SLC2A7: variants seen among roughly 807,000 people sequenced by gnomAD.
The protein encoded by SLC2A7 is solute carrier family 2 member 7, also known as solute carrier family 2, facilitated glucose transporter member 7.
A neutral mutation model predicts 50.5 loss-of-function variants in SLC2A7; 50 were observed. That is an observed-to-expected ratio of 0.99 (90% CI 0.79 to 1.25). SLC2A7 has a LOEUF of 1.25. SLC2A7 is among the 50% of genes most tolerant of loss of function. The probability of loss-of-function intolerance (pLI) is 0.00; values close to 1 mark genes in which losing one functional copy is unlikely to be tolerated. For synonymous variants in SLC2A7, 308 were observed against 300.4 expected, an observed-to-expected ratio of 1.03 and a Z score of -0.26; for missense variants, 683 against 679.1, an observed-to-expected ratio of 1.01 and a Z score of -0.06.
At chr1:9,015,504 G>A (rs554297936) in intron 5 of SLC2A7, among the ~76,000 whole-genome samples, 35 of 152,292 alleles carry the variant, frequency 2.3e-4, no homozygotes, top group Middle Eastern at 3.4e-3. Flanking sequence ...TTGAACCCCG[G>A]AGAAAATGAG....
intron 8 of SLC2A7, among the ~76,000 whole-genome samples, chr1:9,011,129 G>T (rs1423360449): frequency 6.6e-6 from 1 of 152,218 alleles, no homozygotes; most frequent in Admixed American, 6.5e-5. Context: ...AAACCTGCTC[G>T]CTCTGCCTCA....
chr1:9,004,926 C>T (rs1640633249), intron 10 of SLC2A7, 47 bp from the exon 11 acceptor site: 1 of 1,590,038 alleles, frequency 6.3e-7, no homozygotes, highest in Non-Finnish European at 8.6e-7. Flanking sequence ...ACCCAGGTGT[C>T]CCCCAGGGCT....
At position 9,003,402 on chromosome 1, in the gene SLC2A7, G is replaced by A; in HGVS notation, c.1437C>T (p.Arg479=). The change falls in exon 12 of 12, where the codon CGC becomes CGT. Residue 479 remains arginine, a synonymous_variant. Transcript: ENST00000400906. ...TKGKTFVEIN[R]IFAKRNRVKL... ...TCACCCTGTTTCTCTTGGCAAAAAT[G>A]CGGTTTATCTCCACAAATGTTTTGC... is the stretch of plus-strand genomic sequence containing the variant. 1.2e-6 allele frequency: 2 copies of A among 1,614,200 alleles called. No homozygotes were observed. Among genetic ancestry groups the A allele is most frequent in the Non-Finnish European group, 1.7e-6 (2 of 1,180,026 alleles).
rs1048245669 is a variant in SLC2A7, at chr1:9,008,799, G to A, written c.1116+1344C>T. ...TTTAATAGAGACGGGGTTTCACCACGTGGTCAGGCTGCTCTAGAACTCCTG... is the reference window on the plus strand; with the variant it reads ...TTTAATAGAGACGGGGTTTCACCACATGGTCAGGCTGCTCTAGAACTCCTG... On this transcript the variant is annotated intron_variant, in intron 9 of 11. Coordinates refer to ENST00000400906, the MANE Select transcript of SLC2A7 (RefSeq NM_207420.3). This position sits in a 1 kb window ranked among gnomAD's most constrained non-coding sequence, Gnocchi z 5.9. 2.0e-5 allele frequency among the ~76,000 whole-genome samples: 3 copies of A among 152,078 alleles called. No individual in the cohort carries two copies. The highest frequency in any genetic ancestry group is 1.3e-4 in the Admixed American group (2 of 15,258).
intron 3 of SLC2A7, among the ~76,000 whole-genome samples, chr1:9,021,828 A>G (rs1236299134): frequency 6.6e-6 from 1 of 152,164 alleles, no homozygotes; most frequent in Non-Finnish European, 1.5e-5. Flanking sequence ...GGCTGGCACC[A>G]CCACATTCCT....
intron 9 of SLC2A7, among the ~76,000 whole-genome samples, chr1:9,009,859 G>A (rs761011794): frequency 1.4e-4 from 21 of 152,194 alleles, no homozygotes; most frequent in African/African-American, 4.1e-4. Context: ...TTGCATTTAC[G>A]CATTGAAGCA....
At chr1:9,002,170 C>T (rs1032654127), downstream of SLC2A7, among the ~76,000 whole-genome samples, 3 of 152,202 alleles carry the variant, frequency 2.0e-5, no homozygotes, top group African/African-American at 7.2e-5. Context: ...AGGCTTCCCC[C>T]CATGGAGATG....
the SLC2A7 span, among the ~76,000 whole-genome samples, chr1:8,996,296 C>T: frequency 1.3e-5 from 2 of 152,214 alleles, no homozygotes; most frequent in Non-Finnish European, 2.9e-5. Context: ...GAGGGTCTTT[C>T]TCCTTTCCCT....
chr1:9,000,965 G>A (rs1452415785), downstream of SLC2A7, among the ~76,000 whole-genome samples: 1 of 152,144 alleles, frequency 6.6e-6, no homozygotes, highest in African/African-American at 2.4e-5. Context: ...TCAAAGGGCA[G>A]AGAGAAGCCA....
At position 9,015,257 on chromosome 1, in the gene SLC2A7, G is replaced by T; in HGVS notation, c.590-15C>A. ...CACCGGCCAGCCTGCAAGGAGCCAA[G>T]GACTCAGGATCCCGGGGCCTGGGCA... is the stretch of plus-strand genomic sequence containing the variant. On this transcript the variant is annotated splice_polypyrimidine_tract_variant and intron_variant, in intron 5 of 11. Transcript: ENST00000400906. 1 of 1,576,352 alleles carries T rather than the reference G, an allele frequency of 6.3e-7. No homozygotes were observed. The highest frequency in any genetic ancestry group is 8.6e-7 in the Non-Finnish European group (1 of 1,165,684).
intron 8 of SLC2A7, 89 bp from the exon 9 acceptor site, chr1:9,010,333 C>G (rs1330462669): frequency 4.3e-6 from 4 of 934,962 alleles, no homozygotes; most frequent in Middle Eastern, 3.3e-4. Flanking sequence ...GTGGGCCCCT[C>G]TTAGGTGCCC....
In SLC2A7 at chr1:9,013,605, A is replaced by G; in HGVS notation, c.934T>C (p.Ser312Pro). 6.2e-7 allele frequency: 1 copy of G among 1,614,148 alleles called. No individual in the cohort carries two copies. Among genetic ancestry groups the G allele is most frequent in the Non-Finnish European group, 8.5e-7 (1 of 1,179,984 alleles). The change falls in exon 8 of 12, where the codon TCT (serine) becomes CCT (proline). Residue 312 changes from serine (S) to proline (P), a missense_variant. By Grantham distance (74) the Ser-to-Pro change is moderately conservative. Transcript: ENST00000400906. ...GAGTGAGCGGCCTCCACGCCCGCAG[A>G]TGTGTAGATGGTGTCCGCATAGTAG... ...INYYADTIYT[S>P]AGVEAAHSQY...
At chr1:8,996,066 C>A in the SLC2A7 span, among the ~76,000 whole-genome samples, 37 of 152,022 alleles carry the variant, frequency 2.4e-4, no homozygotes, top group African/African-American at 8.0e-4. Context: ...CCATGCCCAG[C>A]CTAGAAAACA....
At chr1:8,998,326 A>C (rs569541541), downstream of SLC2A7, among the ~76,000 whole-genome samples, 1 of 152,104 alleles carries the variant, frequency 6.6e-6, no homozygotes, top group African/African-American at 2.4e-5. Flanking sequence ...AATTGCTTGA[A>C]CCCAGGAGGT....
chr1:9,013,691 A>C, intron 7 of SLC2A7, 56 bp from the exon 8 acceptor site: 2 of 1,438,670 alleles, frequency 1.4e-6, no homozygotes, highest in South Asian at 2.4e-5. Flanking sequence ...ACGCTGGCTT[A>C]ACTTTCTCAA....
At position 9,009,893 on chromosome 1, in the gene SLC2A7, CCTT is replaced by C. The variant is rs558085303; in HGVS notation, c.1116+247_1116+249del. Among the ~76,000 whole-genome samples the C allele has an allele frequency of 2.5e-3, 384 of 152,390 alleles. 1 individual carries two copies. The highest frequency in any genetic ancestry group is 4.7e-3 in the Non-Finnish European group (317 of 68,038). ...CACATATTTTATTGCAAACTGTCCTCCTTGTTTCTCTTTCCCATGACAGCTGGA... is the reference window on the plus strand; with the variant it reads ...CACATATTTTATTGCAAACTGTCCTCGTTTCTCTTTCCCATGACAGCTGGA... On this transcript the variant is annotated intron_variant, in intron 9 of 11. Coordinates refer to ENST00000400906, the MANE Select transcript of SLC2A7 (RefSeq NM_207420.3).
Position 9,007,349 on chromosome 1 carries a change from A to C in SLC2A7, c.1153T>G (p.Cys385Gly). Residue 385 changes from cysteine (C) to glycine (G), a missense_variant, in exon 10 of 12, where the codon TGT (cysteine) becomes GGT (glycine). By Grantham distance (159) the Cys-to-Gly change is radical. Coordinates refer to ENST00000400906, the MANE Select transcript of SLC2A7 (RefSeq NM_207420.3). Reference protein sequence around the residue: ...VPELSYLGIICVFAYIAGHSI... With the variant: ...VPELSYLGIIGVFAYIAGHSI... ...TGTCCCGCGATGTAGGCAAAGACACAGATGATGCCGAGGTAGGACAGCTCG... is the reference window on the plus strand; with the variant it reads ...TGTCCCGCGATGTAGGCAAAGACACCGATGATGCCGAGGTAGGACAGCTCG... 1 of 1,614,224 alleles carries C rather than the reference A, an allele frequency of 6.2e-7. No homozygotes were observed. Among genetic ancestry groups the C allele is most frequent in the South Asian group, 1.1e-5 (1 of 91,092 alleles).
Position 9,023,835 on chromosome 1 carries a change from CTTCTTTTTTTTTTTTTTT to C in SLC2A7, c.151-775_151-758del, listed in dbSNP as rs1344469084. On this transcript the variant is annotated intron_variant, in intron 2 of 11. Coordinates refer to ENST00000400906, the MANE Select transcript of SLC2A7 (RefSeq NM_207420.3). ...CAGAGGCACCATAGGAAATATTCTTCTTCTTTTTTTTTTTTTTTTTTTTTTTTTTTTTTTTTTTGAGAT... is the reference window on the plus strand; with the variant it reads ...CAGAGGCACCATAGGAAATATTCTTCTTTTTTTTTTTTTTTTTTTTGAGAT... 1.7e-3 allele frequency among the ~76,000 whole-genome samples: 114 copies of C among 65,994 alleles called. 3 individuals are homozygous for C. Among genetic ancestry groups the C allele is most frequent in the African/African-American group, 4.3e-3 (88 of 20,528 alleles). The allele number at this position is 65,994 out of a possible 152,430, so 43.3% of individuals were successfully genotyped here. A position where few individuals can be genotyped will look rare whatever the true frequency, so the allele number is the denominator to read the frequency against.
At position 9,004,827 on chromosome 1, in the gene SLC2A7, C is replaced by T. The variant is rs765823141; in HGVS notation, c.1245G>A (p.Arg415=). ...CTGCCCCGTCCACCATGAAAGCTGC[C>T]CGCCGGGAGGACTGCAGGAAGATCT... ...RTEIFLQSSR[R]AAFMVDGAVH... Residue 415 remains arginine, a synonymous_variant, in exon 11 of 12, where the codon CGG becomes CGA. Coordinates refer to ENST00000400906, the MANE Select transcript of SLC2A7 (RefSeq NM_207420.3). 1.9e-6 allele frequency: 3 copies of T among 1,614,084 alleles called. No homozygotes were observed. Among genetic ancestry groups the T allele is most frequent in the Middle Eastern group, 3.3e-4 (2 of 6,062 alleles).
Sources: allele counts gnomAD v4.1 joint callset (sites outside exome capture counted in the v4.1 genomes callset), GRCh38; gene constraint gnomAD v4.1.1; non-coding constraint Gnocchi (gnomAD v3.1); transcripts MANE v1.5; gene names NCBI Gene and HGNC (gene_info 2026-07-23, HGNC 2026-07-21).